TJP1: variants seen among roughly 807,000 people sequenced by gnomAD.
The protein encoded by TJP1 is tight junction protein ZO-1.
Under a neutral mutation model 194.2 loss-of-function variants are expected in TJP1, and 43 were observed. The observed-to-expected ratio is 0.22, with a 90% CI of 0.17 to 0.29. The LOEUF is 0.29. TJP1 is among the 10% of genes least tolerant of loss of function. The pLI is 1.00. For synonymous variants in TJP1, 801 were observed against 779.0 expected, an observed-to-expected ratio of 1.03 and a Z score of -0.47; for missense variants, 1,971 against 2,185.7, an observed-to-expected ratio of 0.90 and a Z score of 1.96.
At chr15:29,726,662 A>G in intron 17 of TJP1, 119 bp downstream of exon 17, 1 of 1,186,168 alleles carries the variant, frequency 8.4e-7, no homozygotes. Flanking sequence ...TTAACACAAC[A>G]GGAAGCTTTC....
At position 29,851,092 on chromosome 15, in the gene TJP1, T is replaced by G. The variant is rs190545527; in HGVS notation, c.307-50390A>C. 5.4e-3 allele frequency among the ~76,000 whole-genome samples: 816 copies of G among 152,216 alleles called. 9 individuals carry two copies. Among genetic ancestry groups the G allele is most frequent in the African/African-American group, 0.019 (769 of 41,548 alleles). On this transcript the variant is annotated intron_variant, in intron 2 of 28. Coordinates refer to the TJP1 transcript ENST00000356107. ...GGCAGAGGTTGCAGTGAGCCAAGAC[T>G]GTGCCACTGCATTCCAGCCTGGGCA...
intron 22 of TJP1, 47 bp from the exon 23 acceptor site, chr15:29,716,885 G>A: frequency 1.4e-6 from 2 of 1,474,136 alleles, no homozygotes; most frequent in Non-Finnish European, 1.9e-6. Context: ...AAATATTAAT[G>A]TTATGAAGGA....
chr15:29,744,696 TA>T (rs958040715), intron 8 of TJP1, among the ~76,000 whole-genome samples: 6 of 151,314 alleles, frequency 4.0e-5, no homozygotes, highest in South Asian at 4.2e-4. Flanking sequence ...CTAATTCACT[TA>T]AAAAAAAACT....
chr15:29,856,800 C>T (rs910652489), intron 2 of TJP1, among the ~76,000 whole-genome samples: 3 of 151,142 alleles, frequency 2.0e-5, no homozygotes, highest in African/African-American at 4.9e-5. Flanking sequence ...GGTGAAACCC[C>T]GTCTCTATGA....
chr15:29,753,169 A>G (rs925405471), intron 8 of TJP1, among the ~76,000 whole-genome samples: 8 of 152,202 alleles, frequency 5.3e-5, no homozygotes, highest in African/African-American at 7.2e-5. Context: ...TCCAAATGAT[A>G]GCAGGGATCT....
chr15:29,914,504 A>G (rs1295110260), intron 2 of TJP1, among the ~76,000 whole-genome samples: 1 of 152,106 alleles, frequency 6.6e-6, no homozygotes. Context: ...TGGAAAATAC[A>G]AAGATGTGAG....
chr15:29,734,357 A>G lies in TJP1; in HGVS notation c.1433T>C (p.Ile478Thr). ...GAAAAGGACGGCTTCTTCTCTTATG[A>G]TATTTGTAAAATCTACGTTGTTTAC... ...LRVNNVDFTN[I>T]IREEAVLFLL... is the part of the protein sequence containing the mutation. The change falls in exon 12 of 28, where the codon ATC (isoleucine) becomes ACC (threonine). Residue 478 changes from isoleucine to threonine, a missense_variant. Ile to Thr is a moderately conservative substitution (Grantham distance 89, BLOSUM62 -1). Coordinates refer to ENST00000614355, the MANE Select transcript of TJP1 (RefSeq NM_001330239.4). 1.2e-6 allele frequency: 2 copies of G among 1,612,696 alleles called. No homozygotes were observed. The highest frequency in any genetic ancestry group is 2.2e-5 in the East Asian group (1 of 44,788).
intron 1 of TJP1, among the ~76,000 whole-genome samples, chr15:29,817,690 C>T (rs2050023252): frequency 6.6e-6 from 1 of 152,148 alleles, no homozygotes. Flanking sequence ...TGCAGGGACA[C>T]GGACGAAGCT....
chr15:29,825,269 A>G (rs891257669), upstream of TJP1, among the ~76,000 whole-genome samples: 9 of 152,214 alleles, frequency 5.9e-5, no homozygotes, highest in Non-Finnish European at 1.0e-4. Context: ...TTATGCTTAC[A>G]CACGCATGTC....
At chr15:29,950,709 G>A (rs548466881) in intron 2 of TJP1, among the ~76,000 whole-genome samples, 13 of 152,170 alleles carry the variant, frequency 8.5e-5, no homozygotes, top group Admixed American at 2.6e-4. Flanking sequence ...TCTTTCTACC[G>A]TGTTCTCACC....
At chr15:29,868,023 ACT>A (rs1185275728) in intron 2 of TJP1, among the ~76,000 whole-genome samples, 1 of 143,490 alleles carries the variant, frequency 7.0e-6, no homozygotes, top group African/African-American at 2.6e-5. Context: ...ACACCACTGC[ACT>A]CCAGCTTGGG....
At chr15:29,888,449 C>T (rs1380962811) in intron 2 of TJP1, among the ~76,000 whole-genome samples, 1 of 152,108 alleles carries the variant, frequency 6.6e-6, no homozygotes, top group Admixed American at 6.5e-5. Flanking sequence ...TGTATTATTA[C>T]CATTTGTTTC....
chr15:29,967,772 A>G (rs1273917292), intron 1 of TJP1, among the ~76,000 whole-genome samples: 1 of 152,186 alleles, frequency 6.6e-6, no homozygotes, highest in African/African-American at 2.4e-5. Flanking sequence ...TCCTTTCTCT[A>G]CAACCTTAGG....
intron 1 of TJP1, among the ~76,000 whole-genome samples, chr15:29,964,412 T>TAA (rs11440730): frequency 6.6e-5 from 10 of 151,862 alleles, no homozygotes; most frequent in African/African-American, 1.9e-4. Flanking sequence ...TTTAGTCTTT[T>TAA]AAAAAAAGAG....
intron 2 of TJP1, among the ~76,000 whole-genome samples, chr15:29,926,374 G>A (rs1254544618): frequency 1.3e-5 from 2 of 152,186 alleles, no homozygotes; most frequent in Non-Finnish European, 2.9e-5. Context: ...CACTTTGGGA[G>A]ACCGAGGCAG....
chr15:29,806,473 T>C (rs2049117949), intron 1 of TJP1, among the ~76,000 whole-genome samples: 1 of 152,172 alleles, frequency 6.6e-6, no homozygotes, highest in South Asian at 2.1e-4. Flanking sequence ...TGACATGCAG[T>C]TCCCCATTAG....
At chr15:29,944,375 G>A (rs1269365138) in intron 2 of TJP1, among the ~76,000 whole-genome samples, 15 of 152,064 alleles carry the variant, frequency 9.9e-5, no homozygotes, top group South Asian at 2.1e-4. Context: ...GATTACAGGC[G>A]TGAGCCACCG....
chr15:29,948,740 C>T (rs958089865), intron 2 of TJP1, among the ~76,000 whole-genome samples: 3 of 152,100 alleles, frequency 2.0e-5, no homozygotes, highest in African/African-American at 7.2e-5. Context: ...GAACATCCTA[C>T]TGCAGAACTT....
chr15:29,779,904 ATGGAGACTTCCTTAGCATG>A (rs2047248599), intron 2 of TJP1, among the ~76,000 whole-genome samples: 1 of 151,758 alleles, frequency 6.6e-6, no homozygotes, highest in Non-Finnish European at 1.5e-5. Context: ...ACAACCAGCT[ATGGAGACTTCCTTAGCATG>A]TGAACGAAGC....
Sources: gnomAD v4.1 joint callset for allele counts (sites outside exome capture counted in the v4.1 genomes callset) on GRCh38, gnomAD v4.1.1 for gene constraint, MANE v1.5 for transcripts, NCBI Gene and HGNC (gene_info 2026-07-23, HGNC 2026-07-21) for gene names.